Variants in SEMA5B observed in about 807,000 individuals in gnomAD.
The protein encoded by SEMA5B is semaphorin-5B.
A neutral mutation model predicts 135.0 loss-of-function variants in SEMA5B; 66 were observed. The ratio of observed to expected loss-of-function variants is 0.49; its 90% CI spans 0.40 to 0.60. The LOEUF (loss-of-function observed/expected upper bound fraction) is 0.60. Ranked by LOEUF, SEMA5B falls within the 20% of genes least tolerant of loss-of-function variation. The probability of loss-of-function intolerance (pLI) is 0.00; values close to 1 mark genes in which losing one functional copy is unlikely to be tolerated. For synonymous variants in SEMA5B, 690 were observed against 639.5 expected (o/e 1.08, Z -1.19); for missense variants, 1,501 against 1,566.3 (o/e 0.96, Z 0.70).
intron 2 of SEMA5B, among the ~76,000 whole-genome samples, chr3:122,956,650 C>A (rs550186832): frequency 1.3e-5 from 2 of 152,116 alleles, no homozygotes; most frequent in Non-Finnish European, 1.5e-5. Context: ...CAACAGGTGC[C>A]CCCTGCACAA....
At chr3:122,965,977 G>A (rs949799175) in intron 1 of SEMA5B, among the ~76,000 whole-genome samples, 5 of 152,188 alleles carry the variant, frequency 3.3e-5, no homozygotes, top group African/African-American at 9.7e-5. Context: ...ATGAATGGCT[G>A]GATGTGCCAC....
chr3:122,965,411 A>G (rs1940776826), intron 1 of SEMA5B, among the ~76,000 whole-genome samples: 1 of 152,262 alleles, frequency 6.6e-6, no homozygotes, highest in Non-Finnish European at 1.5e-5. Context: ...GGCTCTGGGA[A>G]GACATTTGTC....
chr3:123,004,093 A>T (rs946659849), intron 1 of SEMA5B, among the ~76,000 whole-genome samples: 8 of 152,172 alleles, frequency 5.3e-5, no homozygotes, highest in Non-Finnish European at 4.4e-5. Context: ...CGTACCCTTA[A>T]ACCTGTCAAG....
intron 9 of SEMA5B, among the ~76,000 whole-genome samples, chr3:122,924,589 A>T (rs993413765): frequency 6.6e-6 from 1 of 152,156 alleles, no homozygotes; most frequent in African/African-American, 2.4e-5. Flanking sequence ...TACAATAAAG[A>T]TTAAAGCAGT....
rs199618387 is a variant in SEMA5B at position 122,913,655 on chromosome 3, G to C, written c.2159C>G (p.Pro720Arg). The C allele has an allele frequency of 5.2e-4, 845 of 1,613,698 alleles. 9 individuals carry two copies. In the South Asian group the frequency reaches 8.8e-3, roughly 17 times the overall value. ...ERFCNENTPC[P>R]VPIFWASWGS... ...CCAGGAAGCCCAGAAGATGGGCACC[G>C]GGCAAGGCGTGTTCTCATTACAGAA... is the stretch of plus-strand genomic sequence containing the variant. Residue 720 changes from proline to arginine, a missense_variant, in exon 16 of 23, where the codon CCG becomes CGG. This residue lies in a region of SEMA5B where 927 missense variants were observed against 881.6 expected (regional missense o/e 1.05). Coordinates refer to ENST00000357599, the MANE Select transcript of SEMA5B (RefSeq NM_001031702.4).
intron 9 of SEMA5B, among the ~76,000 whole-genome samples, chr3:122,925,095 C>A (rs1364460973): frequency 6.6e-6 from 1 of 152,142 alleles, no homozygotes; most frequent in African/African-American, 2.4e-5. Flanking sequence ...CGTTTCGGTC[C>A]ACCCCCTCAC....
intron 1 of SEMA5B, among the ~76,000 whole-genome samples, chr3:122,969,544 C>T (rs1318406281): frequency 6.6e-6 from 1 of 152,208 alleles, no homozygotes; most frequent in East Asian, 1.9e-4. Flanking sequence ...GGCCTCTGAT[C>T]GTAATTCTCT....
chr3:123,005,048 G>A (rs1322867015), intron 1 of SEMA5B, among the ~76,000 whole-genome samples: 1 of 152,084 alleles, frequency 6.6e-6, no homozygotes, highest in Admixed American at 6.5e-5. Flanking sequence ...CTTCAGGAAG[G>A]CCAGCATGAA....
intron 9 of SEMA5B, among the ~76,000 whole-genome samples, chr3:122,925,411 G>A (rs903254905): frequency 7.9e-5 from 12 of 152,106 alleles, no homozygotes; most frequent in African/African-American, 2.9e-4. Context: ...GCTCACACCT[G>A]TAATCCCAGC....
At chr3:122,951,864 C>T (rs1406410274) in intron 2 of SEMA5B, among the ~76,000 whole-genome samples, 2 of 152,212 alleles carry the variant, frequency 1.3e-5, no homozygotes, top group Non-Finnish European at 2.9e-5. Context: ...TCCTACTGCC[C>T]CTACCTTACT....
In SEMA5B at chr3:122,909,606, C is replaced by A. The variant is rs910338932; in HGVS notation, c.*537G>T. ...GGCAGAGGTGGATAACCTGCGCTGG[C>A]CTTGGTCCCATGTCATACTGGGGCA... On this transcript the variant is annotated 3_prime_UTR_variant, in exon 23 of 23. Coordinates refer to ENST00000357599, the MANE Select transcript of SEMA5B (RefSeq NM_001031702.4). The A allele has an allele frequency of 6.5e-6, 1 of 153,902 alleles. No individual in the cohort carries two copies. Among genetic ancestry groups the A allele is most frequent in the African/African-American group, 2.4e-5 (1 of 41,470 alleles). The allele number at this position is 153,902 out of a possible 1,614,324, so 9.5% of individuals were successfully genotyped here. A position where few individuals can be genotyped will look rare whatever the true frequency, so the allele number is the denominator to read the frequency against.
At chr3:122,966,566 A>ATTATTATTATTATTT (rs1291373854) in intron 1 of SEMA5B, among the ~76,000 whole-genome samples, 1 of 115,884 alleles carries the variant, frequency 8.6e-6, no homozygotes, top group African/African-American at 3.2e-5. Context: ...TATTATTATT[A>ATTATTATTATTATTT]TTTTTTGAGA....
At chr3:122,954,481 C>G (rs1940193606) in intron 2 of SEMA5B, among the ~76,000 whole-genome samples, 1 of 152,236 alleles carries the variant, frequency 6.6e-6, no homozygotes, top group Admixed American at 6.5e-5. Context: ...CCTCGCCTTC[C>G]TCCTTTCTAA....
intron 2 of SEMA5B, among the ~76,000 whole-genome samples, chr3:122,950,964 TG>T (rs1274320253): frequency 2.0e-5 from 3 of 152,224 alleles, no homozygotes; most frequent in African/African-American, 7.2e-5. Context: ...GACAGGGTCT[TG>T]CTCTGTCTCC....
rs373365991 is a variant in SEMA5B at position 122,928,015 on chromosome 3, G to C, written c.637-12C>G. On this transcript the variant is annotated splice_polypyrimidine_tract_variant and intron_variant, in intron 7 of 22. Coordinates refer to ENST00000357599, the MANE Select transcript of SEMA5B (RefSeq NM_001031702.4). ...CTGAGGTTCCCCACCTGGGGACAAT[G>C]GGGAGAAGGGGACACTTTTCCCTGA... 391 of 1,449,512 alleles carry C rather than the reference G, an allele frequency of 2.7e-4. No homozygotes were observed. Among genetic ancestry groups the C allele is most frequent in the Non-Finnish European group, 3.5e-4 (385 of 1,095,964 alleles). 89.8% of individuals were successfully genotyped at this position (1,449,512 alleles called of 1,614,324 possible).
chr3:122,921,912 T>C lies in SEMA5B; in HGVS notation c.1688+3A>G. The stretch of plus-strand genomic sequence containing the variant: ...CCTCGGGAGCCGCCCCGTCCCGGCT[T>C]ACCCCTGGCTGCGGTAGGCGGCGCA... On this transcript the variant is annotated splice_donor_region_variant and intron_variant, in intron 12 of 22. Transcript: ENST00000357599. 1 of 1,531,208 alleles carries C rather than the reference T, an allele frequency of 6.5e-7. No homozygotes were observed. Among genetic ancestry groups the C allele is most frequent in the East Asian group, 2.5e-5 (1 of 40,584 alleles). The allele number at this position is 1,531,208 out of a possible 1,614,324, so 94.9% of individuals were successfully genotyped here.
At chr3:123,019,460 A>G (rs7632505) in intron 1 of SEMA5B, among the ~76,000 whole-genome samples, 50,087 of 152,092 alleles carry the variant, frequency 0.33, 14,178 homozygotes, top group African/African-American at 0.78. Context: ...ATGGTGATGC[A>G]TGCATTTGGT....
chr3:122,910,930 G>A lies in SEMA5B; in HGVS notation c.3207C>T (p.Ser1069=). ...CQHCQRQSQE[S]TLVHPATPNH... is the part of the protein sequence containing the mutation. ...TGGGGGTGGCAGGATGGACCAGTGT[G>A]GACTCCTGGGACTGACGCTGGCAGT... Residue 1069 remains serine (S), a synonymous_variant, in exon 22 of 23, where the codon TCC becomes TCT. Coordinates refer to ENST00000357599, the MANE Select transcript of SEMA5B (RefSeq NM_001031702.4). The A allele has an allele frequency of 6.2e-7, 1 of 1,613,812 alleles. No individual in the cohort carries two copies. The highest frequency in any genetic ancestry group is 8.5e-7 in the Non-Finnish European group (1 of 1,180,006).
chr3:122,919,037 GC>G (rs939600060), intron 12 of SEMA5B, among the ~76,000 whole-genome samples: 6 of 124,612 alleles, frequency 4.8e-5, no homozygotes, highest in Non-Finnish European at 9.6e-5. Context: ...GTCTCAAGCA[GC>G]CATTACAAAA....
Sources: gnomAD v4.1 joint callset for allele counts (sites outside exome capture counted in the v4.1 genomes callset) on GRCh38, gnomAD v4.1.1 for gene constraint, gnomAD v4.1.1 regional missense constraint, MANE v1.5 for transcripts, NCBI Gene and HGNC (gene_info 2026-07-23, HGNC 2026-07-21) for gene names.